PCDHA12: variants seen among roughly 807,000 people sequenced by gnomAD.
The protein encoded by PCDHA12 is protocadherin alpha-12.
A neutral mutation model predicts 60.0 loss-of-function variants in PCDHA12; 44 were observed. The ratio of observed to expected loss-of-function variants is 0.73; its 90% CI spans 0.58 to 0.94. PCDHA12 has a LOEUF of 0.94. Ranked by LOEUF, PCDHA12 falls within the 40% of genes least tolerant of loss-of-function variation. PCDHA12 has a pLI of 0.00. For synonymous variants in PCDHA12, 569 were observed against 553.0 expected (o/e 1.03, Z -0.40); for missense variants, 1,276 against 1,239.7 (o/e 1.03, Z -0.44).
intron 1 of PCDHA12, chr5:140,881,501 C>A (rs782000314): frequency 3.3e-4 from 82 of 248,870 alleles, no homozygotes; most frequent in Non-Finnish European, 4.9e-4. Context: ...CACATACACA[C>A]ACTCACATAC....
Position 141,011,847 on chromosome 5 carries a change from T to C in PCDHA12, c.*1910T>C, listed in dbSNP as rs745912784. 2.0e-5 allele frequency: 3 copies of C among 153,780 alleles called. No individual in the cohort carries two copies. Among genetic ancestry groups the C allele is most frequent in the Non-Finnish European group, 4.4e-5 (3 of 68,052 alleles). The allele number at this position is 153,780 out of a possible 1,614,324, so 9.5% of individuals were successfully genotyped here. ...ATTTGCTGTCACCTTAAATAAGACA[T>C]TTTAATTTTGTTATAATGTACAATT... On this transcript the variant is annotated 3_prime_UTR_variant, in exon 4 of 4. Coordinates refer to ENST00000398631, the MANE Select transcript of PCDHA12 (RefSeq NM_018903.4).
Position 140,907,813 on chromosome 5 carries a change from G to A in PCDHA12, c.2367+29974G>A, listed in dbSNP as rs192249919. On this transcript the variant is annotated intron_variant, in intron 1 of 3. Coordinates refer to ENST00000398631, the MANE Select transcript of PCDHA12 (RefSeq NM_018903.4). ...AGAGGCTAAGTGGTGTCCACAGAACGAGTCATCCTATCCACTTGTTTATTA... is the reference window on the plus strand; with the variant it reads ...AGAGGCTAAGTGGTGTCCACAGAACAAGTCATCCTATCCACTTGTTTATTA... Among the ~76,000 whole-genome samples the A allele has an allele frequency of 2.7e-3, 406 of 152,332 alleles. 1 individual carries two copies. The highest frequency in any genetic ancestry group is 9.3e-3 in the African/African-American group (387 of 41,574).
chr5:140,916,743 G>C (rs1355752854), intron 1 of PCDHA12, among the ~76,000 whole-genome samples: 1 of 152,156 alleles, frequency 6.6e-6, no homozygotes, highest in African/African-American at 2.4e-5. Context: ...AAGCTTCACT[G>C]CCTGGGATTA....
At chr5:140,987,334 C>A (rs925665306) in intron 3 of PCDHA12, among the ~76,000 whole-genome samples, 1 of 152,086 alleles carries the variant, frequency 6.6e-6, no homozygotes, top group East Asian at 1.9e-4. Flanking sequence ...AAGAACTGGT[C>A]TAAGGTAAAT....
At chr5:140,896,114 G>A (rs1165904850) in intron 1 of PCDHA12, among the ~76,000 whole-genome samples, 1 of 152,030 alleles carries the variant, frequency 6.6e-6, no homozygotes, top group Non-Finnish European at 1.5e-5. Context: ...CCTGGCCAAT[G>A]TACTGCATTT....
At chr5:140,987,963 T>C (rs2097275753) in intron 3 of PCDHA12, among the ~76,000 whole-genome samples, 1 of 152,190 alleles carries the variant, frequency 6.6e-6, no homozygotes, top group Non-Finnish European at 1.5e-5. Context: ...CAACTCCCCA[T>C]GGAAAGACTC....
Position 140,877,193 on chromosome 5 carries a change from G to A in PCDHA12, c.1721G>A (p.Gly574Glu), listed in dbSNP as rs1554169443. ...ALLATPAGSA[G>E]GAVSELVPRS... ...CTGGCGACTCCGGCTGGCAGCGCAG[G>A]AGGCGCAGTTAGCGAGTTGGTACCG... Residue 574 changes from glycine to glutamate, a missense_variant, in exon 1 of 4, where the codon GGA becomes GAA. Transcript: ENST00000398631. The A allele has an allele frequency of 6.2e-7, 1 of 1,613,832 alleles. No homozygotes were observed. The highest frequency in any genetic ancestry group is 8.5e-7 in the Non-Finnish European group (1 of 1,179,814).
chr5:140,938,843 C>T (rs1232774282), intron 1 of PCDHA12, among the ~76,000 whole-genome samples: 3 of 152,012 alleles, frequency 2.0e-5, no homozygotes, highest in Admixed American at 6.6e-5. Flanking sequence ...AACAAACCTG[C>T]CCATGTACCC....
At chr5:140,891,889 G>C (rs1319520907) in intron 1 of PCDHA12, among the ~76,000 whole-genome samples, 1 of 152,224 alleles carries the variant, frequency 6.6e-6, no homozygotes, top group Non-Finnish European at 1.5e-5. Context: ...ATGTGACGAT[G>C]CAGCAAGAAG....
intron 3 of PCDHA12, among the ~76,000 whole-genome samples, chr5:140,989,362 G>A (rs1264795948): frequency 6.6e-6 from 1 of 152,176 alleles, no homozygotes; most frequent in African/African-American, 2.4e-5. Context: ...GGTCACCTGT[G>A]TGACTGAGAG....
chr5:140,895,920 C>T (rs1347672044), intron 1 of PCDHA12, among the ~76,000 whole-genome samples: 1 of 152,202 alleles, frequency 6.6e-6, no homozygotes, highest in African/African-American at 2.4e-5. Flanking sequence ...CAACAATTAT[C>T]CTGCCTCAGC....
intron 1 of PCDHA12, chr5:140,968,417 G>T (rs1459159857): frequency 3.7e-6 from 6 of 1,614,036 alleles, no homozygotes; most frequent in Non-Finnish European, 5.1e-6. Flanking sequence ...GACTGTGGAG[G>T]CTCAGGACAA....
At chr5:140,942,364 A>AT (rs1401660324) in intron 1 of PCDHA12, among the ~76,000 whole-genome samples, 1 of 152,040 alleles carries the variant, frequency 6.6e-6, no homozygotes, top group Non-Finnish European at 1.5e-5. Context: ...GTTAACGGAG[A>AT]TTGCACCACT....
intron 1 of PCDHA12, among the ~76,000 whole-genome samples, chr5:140,879,121 G>C (rs148259888): frequency 6.6e-6 from 1 of 152,330 alleles, no homozygotes; most frequent in Non-Finnish European, 1.5e-5. Context: ...TGAAGGATTA[G>C]AGCAGGGGAG....
Position 140,993,462 on chromosome 5 carries a change from T to A in PCDHA12, c.2515+10899T>A, listed in dbSNP as rs540334246. Among the ~76,000 whole-genome samples, 1,220 of 141,042 alleles carry A rather than the reference T, an allele frequency of 8.6e-3. 14 individuals carry two copies. The highest frequency in any genetic ancestry group is 0.02 in the African/African-American group (760 of 37,958). 92.5% of individuals were successfully genotyped at this position (141,042 alleles called of 152,430 possible). A position where few individuals can be genotyped will look rare whatever the true frequency, so the allele number is the denominator to read the frequency against. On this transcript the variant is annotated intron_variant, in intron 3 of 3. Coordinates refer to ENST00000398631, the MANE Select transcript of PCDHA12 (RefSeq NM_018903.4). ...CATTCCTGTTCTCCTTCTTTCTTTC[T>A]CACACACACACACACACACACACAC...
intron 1 of PCDHA12, among the ~76,000 whole-genome samples, chr5:140,921,583 TA>T (rs2080282425): frequency 6.6e-6 from 1 of 152,200 alleles, no homozygotes; most frequent in South Asian, 2.1e-4. Flanking sequence ...GCTCATACTA[TA>T]TTATGGTTTC....
intron 3 of PCDHA12, 87 bp downstream of exon 3, chr5:140,982,650 C>T (rs1299219435): frequency 4.6e-6 from 7 of 1,507,000 alleles, no homozygotes; most frequent in Non-Finnish European, 5.3e-6. Flanking sequence ...ATGTTGATGG[C>T]TCTTTTTCTT....
At chr5:140,918,967 C>T (rs1461992761) in intron 1 of PCDHA12, among the ~76,000 whole-genome samples, 1 of 152,164 alleles carries the variant, frequency 6.6e-6, no homozygotes, top group Non-Finnish European at 1.5e-5. Context: ...AGACAGATAT[C>T]GTTTAGGTTA....
intron 1 of PCDHA12, among the ~76,000 whole-genome samples, chr5:140,931,210 G>A (rs1326851548): frequency 6.6e-6 from 1 of 152,064 alleles, no homozygotes; most frequent in African/African-American, 2.4e-5. Flanking sequence ...TAGTATTTCA[G>A]GTATCAGAGC....
Sources: allele counts gnomAD v4.1 joint callset (sites outside exome capture counted in the v4.1 genomes callset), GRCh38; gene constraint gnomAD v4.1.1; transcripts MANE v1.5; gene names NCBI Gene and HGNC (gene_info 2026-07-23, HGNC 2026-07-21).